Variants in SEC14L1 observed in about 807,000 individuals in gnomAD.
SEC14L1 encodes SEC14-like protein 1.
Under a neutral mutation model 85.3 loss-of-function variants are expected in SEC14L1, and 48 were observed. The ratio of observed to expected loss-of-function variants is 0.56; its 90% CI spans 0.45 to 0.72. The LOEUF is 0.72. SEC14L1 is among the 30% of genes least tolerant of loss of function. The probability of loss-of-function intolerance (pLI) is 0.00; values close to 1 mark genes in which losing one functional copy is unlikely to be tolerated. For missense variants in SEC14L1, 682 were observed against 921.4 expected, an observed-to-expected ratio of 0.74 and a Z score of 3.36; for synonymous variants, 391 against 355.5, an observed-to-expected ratio of 1.10 and a Z score of -1.12.
chr17:77,194,937 G>T, intron 7 of SEC14L1, 26 bp downstream of exon 7: 11 of 1,560,218 alleles, frequency 7.1e-6, no homozygotes, highest in Non-Finnish European at 9.7e-6. Context: ...GCTTCATCCC[G>T]AGAGCAAGGC....
At chr17:77,187,737 AT>A (rs34369532) in intron 3 of SEC14L1, among the ~76,000 whole-genome samples, 4,960 of 135,070 alleles carry the variant, frequency 0.037, 247 homozygotes, top group African/African-American at 0.12. Context: ...GGCTACTGGA[AT>A]TTTTTTTTTT....
At chr17:77,154,200 G>C (rs1284767455) in intron 3 of SEC14L1, among the ~76,000 whole-genome samples, 1 of 152,218 alleles carries the variant, frequency 6.6e-6, no homozygotes, top group Non-Finnish European at 1.5e-5. Flanking sequence ...GCTGGGTGTG[G>C]TGGCTCACAT....
chr17:77,105,373 A>ACCCCCC (rs796673679), intron 3 of SEC14L1, among the ~76,000 whole-genome samples: 24 of 82,374 alleles, frequency 2.9e-4, no homozygotes, highest in Non-Finnish European at 3.6e-4. Flanking sequence ...CTCGCTGACC[A>ACCCCCC]CCCCCCCCCC....
At chr17:77,089,086 A>G in intron 1 of SEC14L1, 1 of 235,326 alleles carries the variant, frequency 4.2e-6, no homozygotes, top group Non-Finnish European at 8.6e-6. Context: ...CCAGGTTTCT[A>G]GGAGTGTGGT....
intron 3 of SEC14L1, among the ~76,000 whole-genome samples, chr17:77,107,615 C>A (rs569482496): frequency 9.2e-6 from 1 of 108,842 alleles, no homozygotes; most frequent in Non-Finnish European, 1.8e-5. Flanking sequence ...GTCAGAAGAT[C>A]CCCACCCACA....
intron 6 of SEC14L1, among the ~76,000 whole-genome samples, chr17:77,193,999 G>T (rs554873776): frequency 6.6e-6 from 1 of 152,156 alleles, no homozygotes; most frequent in African/African-American, 2.4e-5. Flanking sequence ...AAATCTATCC[G>T]TGTGGGATTA....
chr17:77,146,228 A>G (rs1052597520), intron 3 of SEC14L1, among the ~76,000 whole-genome samples: 6 of 152,158 alleles, frequency 3.9e-5, no homozygotes, highest in African/African-American at 1.4e-4. Flanking sequence ...CAGGTAAAGT[A>G]GAGTGGCTGC....
intron 3 of SEC14L1, among the ~76,000 whole-genome samples, chr17:77,183,321 T>A (rs926698180): frequency 3.3e-5 from 5 of 152,190 alleles, no homozygotes; most frequent in African/African-American, 1.2e-4. Flanking sequence ...CTAGGTAAAT[T>A]AGCACATTTG....
chr17:77,169,007 C>CTTTTTTTTTTTTTTTTTTTTTTTTTT (rs71160208), intron 3 of SEC14L1, among the ~76,000 whole-genome samples: 1 of 77,832 alleles, frequency 1.3e-5, no homozygotes, highest in Non-Finnish European at 2.4e-5. Flanking sequence ...TGAGGAGCAT[C>CTTTTTTTTTTTTTTTTTTTTTTTTTT]TTTTTTTTTT....
intron 3 of SEC14L1, among the ~76,000 whole-genome samples, chr17:77,175,029 G>A (rs1390436323): frequency 2.0e-5 from 3 of 152,176 alleles, no homozygotes; most frequent in Non-Finnish European, 4.4e-5. Context: ...GGGGATAGGA[G>A]CAGTCTGTCT....
At chr17:77,098,861 A>G (rs1270540383) in intron 3 of SEC14L1, among the ~76,000 whole-genome samples, 1 of 152,204 alleles carries the variant, frequency 6.6e-6, no homozygotes, top group Non-Finnish European at 1.5e-5. Flanking sequence ...TTGCTTTTTC[A>G]ACAGAGTAGA....
intron 3 of SEC14L1, among the ~76,000 whole-genome samples, chr17:77,156,625 T>C (rs1354252443): frequency 6.6e-6 from 1 of 151,726 alleles, no homozygotes; most frequent in East Asian, 1.9e-4. Flanking sequence ...TTGCAGTGTA[T>C]GCTTTCGTTT....
rs117077122 is a variant in SEC14L1, at chr17:77,121,051, G to A, written c.-135-21595G>A. 2.0e-3 allele frequency among the ~76,000 whole-genome samples: 305 copies of A among 152,302 alleles called. 4 individuals are homozygous for A. The East Asian group carries it at 0.023, about 12-fold the overall frequency. The stretch of plus-strand genomic sequence containing the variant: ...ATCCGGGTGAGGTGGCAGCTCCATC[G>A]GTGAGATGGTTCTTCAGTGTGATCC... On this transcript the variant is annotated intron_variant, in intron 3 of 19. Transcript: ENST00000392476.
At position 77,213,953 on chromosome 17, in the gene SEC14L1, G is replaced by A. The variant is rs935090302; in HGVS notation, c.2078G>A (p.Gly693Asp). 6.2e-7 allele frequency: 1 copy of A among 1,613,556 alleles called. No homozygotes were observed. Among genetic ancestry groups the A allele is most frequent in the Non-Finnish European group, 8.5e-7 (1 of 1,179,954 alleles). Reference sequence around the variant, plus strand: ...ACGAGCCTGGAGTCCAGCCACAGCGGCTTCTCCCAGCTGAGTGCCGCCACC... The same window carrying A: ...ACGAGCCTGGAGTCCAGCCACAGCGACTTCTCCCAGCTGAGTGCCGCCACC... ...SMTSLESSHS[G>D]FSQLSAATTS... Residue 693 changes from glycine (G) to aspartate (D), a missense_variant, in exon 17 of 17, where the codon GGC becomes GAC. Physicochemically the swap from Gly to Asp is moderately conservative, Grantham distance 94. Transcript: ENST00000436233. This position sits in a 1 kb window ranked among gnomAD's most constrained non-coding sequence, Gnocchi z 7.1.
Position 77,214,928 on chromosome 17 carries a change from C to T in SEC14L1, c.*905C>T. 1.0e-6 allele frequency: 1 copy of T among 985,438 alleles called. No homozygotes were observed. Among genetic ancestry groups the T allele is most frequent in the Non-Finnish European group, 1.2e-6 (1 of 829,972 alleles). 61.0% of individuals were successfully genotyped at this position (985,438 alleles called of 1,614,324 possible). A position where few individuals can be genotyped will look rare whatever the true frequency, so the allele number is the denominator to read the frequency against. On this transcript the variant is annotated 3_prime_UTR_variant, in exon 17 of 17. Transcript: ENST00000436233. ...CACTAGGAGGCCGTCTTGGAACCAG[C>T]AAGTCGCATTTGCCACTTGACACTG...
chr17:77,096,074 T>A (rs1971635068), intron 3 of SEC14L1, among the ~76,000 whole-genome samples: 1 of 150,620 alleles, frequency 6.6e-6, no homozygotes, highest in South Asian at 2.1e-4. Flanking sequence ...TTTTTTTTTT[T>A]TAAATAGAGA....
chr17:77,184,913 C>G (rs766296754), intron 3 of SEC14L1, among the ~76,000 whole-genome samples: 2 of 152,314 alleles, frequency 1.3e-5, no homozygotes, highest in Non-Finnish European at 1.5e-5. Context: ...AACTCAGGTT[C>G]TGGTACCTAA....
intron 14 of SEC14L1, 62 bp downstream of exon 14, chr17:77,209,538 C>G: frequency 2.6e-6 from 4 of 1,562,358 alleles, no homozygotes; most frequent in Non-Finnish European, 3.5e-6. Context: ...CTGGCCCTCG[C>G]AGGGCTTCCT....
chr17:77,120,496 T>A (rs1972269096), intron 3 of SEC14L1, among the ~76,000 whole-genome samples: 1 of 151,728 alleles, frequency 6.6e-6, no homozygotes, highest in Non-Finnish European at 1.5e-5. Flanking sequence ...TTTTTTTTTT[T>A]AATGAAGTCT....
Sources: allele counts gnomAD v4.1 joint callset (sites outside exome capture counted in the v4.1 genomes callset), GRCh38; gene constraint gnomAD v4.1.1; non-coding constraint Gnocchi (gnomAD v3.1); transcripts MANE v1.5; gene names NCBI Gene and HGNC (gene_info 2026-07-23, HGNC 2026-07-21).